SGCD: variants seen among roughly 807,000 people sequenced by gnomAD.
SGCD encodes the protein sarcoglycan delta.
A neutral mutation model predicts 36.6 loss-of-function variants in SGCD; 18 were observed. That is an observed-to-expected ratio of 0.49 (90% confidence interval 0.34 to 0.73). The LOEUF is 0.73. SGCD is among the 30% of genes least tolerant of loss of function. The pLI is 0.01. For missense variants in SGCD, 387 were observed against 346.7 expected (o/e 1.12, Z -0.92); for synonymous variants, 133 against 130.6 (o/e 1.02, Z -0.12).
intron 6 of SGCD, among the ~76,000 whole-genome samples, chr5:156,611,485 TTAGA>T (rs1402272623): frequency 6.6e-6 from 1 of 152,226 alleles, no homozygotes; most frequent in East Asian, 1.9e-4. Context: ...TTGTAGTCTA[TTAGA>T]TATTTTCTTA....
intron 1 of SGCD, among the ~76,000 whole-genome samples, chr5:155,960,812 C>G (rs1434243029): frequency 1.3e-5 from 2 of 152,120 alleles, no homozygotes; most frequent in African/African-American, 2.4e-5. Context: ...ATAATCCACT[C>G]AAGGACAAAC....
the SGCD span, among the ~76,000 whole-genome samples, chr5:155,781,429 A>T: frequency 6.6e-6 from 1 of 152,114 alleles, no homozygotes; most frequent in Admixed American, 6.6e-5. Context: ...ATGTCTTGAT[A>T]TTTTACAAAC....
intron 7 of SGCD, among the ~76,000 whole-genome samples, chr5:156,684,009 G>A (rs73302804): frequency 0.027 from 4,054 of 152,216 alleles, 176 homozygotes; most frequent in African/African-American, 0.092. Flanking sequence ...TGATTGTCTC[G>A]TGTACAAAAC....
chr5:156,359,060 G>A (rs999928707), intron 3 of SGCD, among the ~76,000 whole-genome samples: 2 of 152,078 alleles, frequency 1.3e-5, no homozygotes, highest in Non-Finnish European at 2.9e-5. Context: ...ATAGAAATAG[G>A]GAAAAGTCAT....
At chr5:156,478,035 G>A (rs1490461787) in intron 3 of SGCD, among the ~76,000 whole-genome samples, 1 of 152,062 alleles carries the variant, frequency 6.6e-6, no homozygotes, top group Non-Finnish European at 1.5e-5. Flanking sequence ...AACAATCAGA[G>A]GGGGAGCATT....
In SGCD at chr5:156,074,875, A is replaced by G. The variant is rs116827696; in HGVS notation, c.-281-43003A>G. On this transcript the variant is annotated intron_variant, in intron 1 of 9. Transcript: ENST00000517913. The stretch of plus-strand genomic sequence containing the variant: ...AATTATGAGCAGATGAACCATATTC[A>G]TGAAGAAATAGGTCAAAAAGGGAAA... Among the ~76,000 whole-genome samples, 353 of 152,326 alleles carry G rather than the reference A, an allele frequency of 2.3e-3. 3 individuals are homozygous for G. The highest frequency in any genetic ancestry group is 8.3e-3 in the African/African-American group (345 of 41,574).
chr5:156,025,394 C>T (rs575369633), intron 1 of SGCD, among the ~76,000 whole-genome samples: 49 of 152,310 alleles, frequency 3.2e-4, no homozygotes, highest in African/African-American at 1.1e-3. Flanking sequence ...TATGAAAACT[C>T]AGATGTGAGT....
intron 1 of SGCD, among the ~76,000 whole-genome samples, chr5:156,090,100 G>A (rs1157847114): frequency 6.6e-6 from 1 of 152,140 alleles, no homozygotes; most frequent in African/African-American, 2.4e-5. Flanking sequence ...TTGGCTTTTT[G>A]TGAGTCATCT....
intron 1 of SGCD, among the ~76,000 whole-genome samples, chr5:155,918,399 C>A (rs748328003): frequency 3.9e-5 from 6 of 152,042 alleles, no homozygotes; most frequent in Non-Finnish European, 8.8e-5. Flanking sequence ...CCTGTCTCTA[C>A]TAAAAATACA....
At chr5:156,501,674 T>C (rs1756460250) in intron 3 of SGCD, among the ~76,000 whole-genome samples, 1 of 152,152 alleles carries the variant, frequency 6.6e-6, no homozygotes, top group South Asian at 2.1e-4. Context: ...GACTCTAAAT[T>C]AGACTGAGAA....
intron 7 of SGCD, among the ~76,000 whole-genome samples, chr5:156,654,414 T>C (rs965596440): frequency 6.6e-6 from 1 of 152,146 alleles, no homozygotes; most frequent in Non-Finnish European, 1.5e-5. Context: ...GGTCCAGGTG[T>C]GTTGCCATAC....
chr5:156,547,588 GC>G (rs1380526562), intron 4 of SGCD, among the ~76,000 whole-genome samples: 1 of 152,044 alleles, frequency 6.6e-6, no homozygotes, highest in African/African-American at 2.4e-5. Flanking sequence ...GACTACAGGT[GC>G]CCATCACAAT....
At chr5:156,019,412 C>A (rs955371629) in intron 1 of SGCD, among the ~76,000 whole-genome samples, 3 of 152,134 alleles carry the variant, frequency 2.0e-5, no homozygotes, top group African/African-American at 7.2e-5. Context: ...AAAAAAAAGC[C>A]TTTCATTTAA....
intron 3 of SGCD, among the ~76,000 whole-genome samples, chr5:156,391,754 C>G (rs951499789): frequency 5.9e-5 from 9 of 152,162 alleles, no homozygotes; most frequent in African/African-American, 1.9e-4. Flanking sequence ...AGGGATGACT[C>G]TCTATATACA....
At chr5:156,324,761 T>G (rs1334820898), upstream of SGCD, among the ~76,000 whole-genome samples, 2 of 151,864 alleles carry the variant, frequency 1.3e-5, no homozygotes. Flanking sequence ...TTTTTTTCCC[T>G]GAAAAGAAGC....
intron 6 of SGCD, among the ~76,000 whole-genome samples, chr5:156,612,108 T>C (rs1394117995): frequency 3.3e-5 from 5 of 152,234 alleles, no homozygotes; most frequent in Non-Finnish European, 5.9e-5. Flanking sequence ...TAAAGAATTA[T>C]TGTGTTCTTT....
chr5:156,234,462 C>A (rs1765103747), intron 3 of SGCD, among the ~76,000 whole-genome samples: 1 of 152,094 alleles, frequency 6.6e-6, no homozygotes, highest in African/African-American at 2.4e-5. Context: ...TCTAATGGCT[C>A]TATGGAGGTT....
At chr5:155,920,058 A>G (rs1756839528) in intron 1 of SGCD, among the ~76,000 whole-genome samples, 1 of 152,148 alleles carries the variant, frequency 6.6e-6, no homozygotes, top group Admixed American at 6.6e-5. Flanking sequence ...CCTAGATGCG[A>G]TTATTCTTGG....
At chr5:156,477,246 T>A (rs1301057818) in intron 3 of SGCD, among the ~76,000 whole-genome samples, 1 of 152,164 alleles carries the variant, frequency 6.6e-6, no homozygotes, top group Non-Finnish European at 1.5e-5. Context: ...TGTTTTTATA[T>A]AATACTTTGG....
Sources: gnomAD v4.1 joint callset for allele counts (sites outside exome capture counted in the v4.1 genomes callset) on GRCh38, gnomAD v4.1.1 for gene constraint, MANE v1.5 for transcripts, NCBI Gene and HGNC (gene_info 2026-07-23, HGNC 2026-07-21) for gene names.